The following UNC5D variants were observed in gnomAD, a reference collection of about 807,000 sequenced individuals.
UNC5D encodes unc-5 netrin receptor D, also known as netrin receptor UNC5D.
UNC5D carries 39 observed loss-of-function variants against 105.4 expected under a neutral mutation model. That is an observed-to-expected ratio of 0.37 (90% CI 0.29 to 0.48). The LOEUF is 0.48. Ranked by LOEUF, UNC5D falls within the 20% of genes least tolerant of loss-of-function variation. The pLI is 0.98. For synonymous variants in UNC5D, 452 were observed against 450.4 expected, an observed-to-expected ratio of 1.00 and a Z score of -0.04; for missense variants, 991 against 1,202.4, an observed-to-expected ratio of 0.82 and a Z score of 2.60.
At chr8:35,316,332 T>C (rs1265683931) in intron 1 of UNC5D, among the ~76,000 whole-genome samples, 2 of 152,170 alleles carry the variant, frequency 1.3e-5, no homozygotes, top group Non-Finnish European at 2.9e-5. Flanking sequence ...GAGAAGATTT[T>C]AGTTGGTATA....
Position 35,568,167 on chromosome 8 carries a change from A to T in UNC5D, c.392A>T (p.Asp131Val). ...QQVEDFHGPE[D>V]YWCQCVAWSH... is the part of the protein sequence containing the mutation. Reference sequence around the variant, plus strand: ...GTGGAGGACTTCCATGGGCCCGAGGACTATTGGTGCCAGTGTGTGGCGTGG... The same window carrying T: ...GTGGAGGACTTCCATGGGCCCGAGGTCTATTGGTGCCAGTGTGTGGCGTGG... The change falls in exon 3 of 17, where the codon GAC (aspartate) becomes GTC (valine). Residue 131 changes from aspartate to valine, a missense_variant. Physicochemically the swap from Asp to Val is radical, Grantham distance 152. Transcript: ENST00000404895. 1 of 1,614,182 alleles carries T rather than the reference A, an allele frequency of 6.2e-7. No homozygotes were observed. Among genetic ancestry groups the T allele is most frequent in the South Asian group, 1.1e-5 (1 of 91,084 alleles).
intron 4 of UNC5D, among the ~76,000 whole-genome samples, chr8:35,635,872 C>T (rs1389172211): frequency 6.6e-6 from 1 of 152,134 alleles, no homozygotes; most frequent in Non-Finnish European, 1.5e-5. Flanking sequence ...TGTTTTCAGC[C>T]TTTCCTCTCT....
chr8:35,635,561 A>G (rs1261395044), intron 4 of UNC5D, among the ~76,000 whole-genome samples: 1 of 152,106 alleles, frequency 6.6e-6, no homozygotes, highest in African/African-American at 2.4e-5. Flanking sequence ...CCTTCGTTGT[A>G]AGAAATCATT....
rs549928369 is a variant in UNC5D, at chr8:35,264,502, T to C, written c.103+28615T>C. Among the ~76,000 whole-genome samples the C allele has an allele frequency of 1.6e-4, 25 of 152,138 alleles. No individual in the cohort carries two copies. The South Asian group carries it at 4.8e-3, about 29-fold the overall frequency. ...CAGCACTTTGGGAGGCCGAGGTGGG[T>C]GGATCACCTGAGGCCAGGAGTTCGA... On this transcript the variant is annotated intron_variant, in intron 1 of 16. Transcript: ENST00000404895.
At chr8:35,511,573 G>A (rs1478699160) in intron 1 of UNC5D, among the ~76,000 whole-genome samples, 6 of 151,754 alleles carry the variant, frequency 4.0e-5, no homozygotes, top group East Asian at 1.9e-4. Flanking sequence ...AACAAAGGTC[G>A]AGAGGAGTTA....
At chr8:35,260,775 G>T (rs566009555) in intron 1 of UNC5D, among the ~76,000 whole-genome samples, 42 of 152,256 alleles carry the variant, frequency 2.8e-4, no homozygotes, top group African/African-American at 9.9e-4. Context: ...ATGGCGTAGG[G>T]AGCGTGTAGC....
chr8:35,599,874 C>T (rs569831995), intron 4 of UNC5D, among the ~76,000 whole-genome samples: 15 of 152,238 alleles, frequency 9.9e-5, no homozygotes, highest in African/African-American at 3.4e-4. Flanking sequence ...CATAAGTATA[C>T]ATGCGCCATG....
At chr8:35,379,374 G>T (rs1802888435) in intron 1 of UNC5D, among the ~76,000 whole-genome samples, 1 of 152,170 alleles carries the variant, frequency 6.6e-6, no homozygotes, top group African/African-American at 2.4e-5. Context: ...TGCCACAGCA[G>T]CTGCTCCTGA....
intron 2 of UNC5D, among the ~76,000 whole-genome samples, 154 bp from the exon 3 acceptor site, chr8:35,567,944 A>G (rs1021967283): frequency 6.6e-6 from 1 of 152,240 alleles, no homozygotes; most frequent in African/African-American, 2.4e-5. Flanking sequence ...AAATTTAATT[A>G]GCAGTAATAT....
chr8:35,544,698 G>T (rs141494723), intron 1 of UNC5D, among the ~76,000 whole-genome samples: 1 of 149,828 alleles, frequency 6.7e-6, no homozygotes, highest in Admixed American at 6.8e-5. Flanking sequence ...TGCCTTCCGG[G>T]TACAAGTGAT....
At chr8:35,589,704 C>T (rs915715904) in intron 3 of UNC5D, among the ~76,000 whole-genome samples, 2 of 152,172 alleles carry the variant, frequency 1.3e-5, no homozygotes, top group African/African-American at 4.8e-5. Context: ...TTTTCTGTCT[C>T]TATGGATTTA....
intron 15 of UNC5D, among the ~76,000 whole-genome samples, chr8:35,773,879 T>A (rs1489806840): frequency 6.6e-6 from 1 of 152,134 alleles, no homozygotes; most frequent in Non-Finnish European, 1.5e-5. Flanking sequence ...CCTGCCACTA[T>A]GCCCAGCTAA....
intron 3 of UNC5D, among the ~76,000 whole-genome samples, chr8:35,584,774 C>T (rs745806920): frequency 3.3e-5 from 5 of 151,956 alleles, no homozygotes; most frequent in Non-Finnish European, 5.9e-5. Context: ...TTTATCTCCT[C>T]GTTTGGCTAT....
chr8:35,709,774 C>G (rs1827823724), intron 8 of UNC5D, among the ~76,000 whole-genome samples: 1 of 152,050 alleles, frequency 6.6e-6, no homozygotes, highest in Non-Finnish European at 1.5e-5. Flanking sequence ...TTCTGGGTAG[C>G]TTGGGGATGA....
chr8:35,710,849 C>G (rs1827891113), intron 8 of UNC5D, among the ~76,000 whole-genome samples: 1 of 152,312 alleles, frequency 6.6e-6, no homozygotes, highest in South Asian at 2.1e-4. Context: ...CAGTCTTGCC[C>G]TGCATCAGTT....
At chr8:35,381,428 T>C (rs112187587) in intron 1 of UNC5D, among the ~76,000 whole-genome samples, 10 of 152,292 alleles carry the variant, frequency 6.6e-5, no homozygotes, top group Non-Finnish European at 1.3e-4. Flanking sequence ...AACAGATCCC[T>C]TCCAGCTACT....
chr8:35,496,206 G>T (rs1479121139), intron 1 of UNC5D, among the ~76,000 whole-genome samples: 1 of 152,178 alleles, frequency 6.6e-6, no homozygotes, highest in Non-Finnish European at 1.5e-5. Flanking sequence ...GGTAGAAGAG[G>T]TTGCACACAG....
intron 1 of UNC5D, among the ~76,000 whole-genome samples, chr8:35,300,985 A>G (rs1807911529): frequency 6.6e-6 from 1 of 152,220 alleles, no homozygotes; most frequent in Admixed American, 6.5e-5. Flanking sequence ...TTATGTGTAT[A>G]CATCCATGTA....
chr8:35,518,051 A>G (rs1813219722), intron 1 of UNC5D, among the ~76,000 whole-genome samples: 1 of 152,178 alleles, frequency 6.6e-6, no homozygotes, highest in Admixed American at 6.5e-5. Flanking sequence ...GGGGGGGCAT[A>G]AACATTGTTG....
Sources: allele counts gnomAD v4.1 joint callset (sites outside exome capture counted in the v4.1 genomes callset), GRCh38; gene constraint gnomAD v4.1.1; transcripts MANE v1.5; gene names NCBI Gene and HGNC (gene_info 2026-07-23, HGNC 2026-07-21).